The following BMPR1A variants were observed in gnomAD, a reference collection of about 807,000 sequenced individuals.
BMPR1A encodes bone morphogenetic protein receptor type-1A.
A neutral mutation model predicts 66.0 loss-of-function variants in BMPR1A; 7 were observed. The observed-to-expected ratio is 0.11, with a 90% CI of 0.06 to 0.20. The LOEUF is 0.20. Ranked by LOEUF, BMPR1A falls within the 10% of genes least tolerant of loss-of-function variation. The pLI is 1.00. For synonymous variants in BMPR1A, 200 were observed against 229.7 expected, an observed-to-expected ratio of 0.87 and a Z score of 1.17; for missense variants, 408 against 669.1, an observed-to-expected ratio of 0.61 and a Z score of 4.31.
At chr10:86,845,517 C>T (rs1006796877) in intron 2 of BMPR1A, among the ~76,000 whole-genome samples, 1 of 152,198 alleles carries the variant, frequency 6.6e-6, no homozygotes, top group Non-Finnish European at 1.5e-5. Context: ...CCTCCACTCC[C>T]ACTTGAGTCA....
At position 86,858,870 on chromosome 10, in the gene BMPR1A, A is replaced by G. The variant is rs187416450; in HGVS notation, c.-152-16997A>G. Among the ~76,000 whole-genome samples the G allele has an allele frequency of 1.2e-4, 19 of 152,314 alleles. No individual in the cohort carries two copies. In the East Asian group the frequency reaches 2.1e-3, roughly 17 times the overall value. ...CTACCAAAAGCAAGCTATAGATTCA[A>G]TGCAATCCCTATCAAAATACCAGTG... is the stretch of plus-strand genomic sequence containing the variant. On this transcript the variant is annotated intron_variant, in intron 2 of 12. Transcript: ENST00000372037.
chr10:86,917,329 G>A lies in BMPR1A; in HGVS notation c.868+3G>A, dbSNP rs1411249361. ...AATGCGCCATGAAAACATACTTGGT[G>A]GGTACACACTGATTCAGTCAATTTC... On this transcript the variant is annotated splice_donor_region_variant and intron_variant, in intron 9 of 12. Coordinates refer to ENST00000372037, the MANE Select transcript of BMPR1A (RefSeq NM_004329.3). The A allele has an allele frequency of 6.2e-7, 1 of 1,614,070 alleles. No individual in the cohort carries two copies. The highest frequency in any genetic ancestry group is 1.1e-5 in the South Asian group (1 of 91,050).
At chr10:86,814,230 G>A (rs763567656) in intron 1 of BMPR1A, among the ~76,000 whole-genome samples, 4 of 151,978 alleles carry the variant, frequency 2.6e-5, no homozygotes, top group Admixed American at 1.3e-4. Context: ...TAATTCCTGG[G>A]CTCAAGTGAT....
At chr10:86,831,207 C>G (rs1315498453) in intron 1 of BMPR1A, among the ~76,000 whole-genome samples, 2 of 152,206 alleles carry the variant, frequency 1.3e-5, no homozygotes, top group Non-Finnish European at 1.5e-5. Context: ...CAGCCCTGCA[C>G]CTTCCTTATA....
chr10:86,761,716 A>T (rs1341434737), intron 1 of BMPR1A, among the ~76,000 whole-genome samples: 1 of 152,218 alleles, frequency 6.6e-6, no homozygotes, highest in Non-Finnish European at 1.5e-5. Context: ...GTGGCAGATA[A>T]TTAGGGCCTG....
chr10:86,932,660 T>A (rs1027448823), downstream of BMPR1A: 2 of 152,288 alleles, frequency 1.3e-5, no homozygotes, highest in African/African-American at 2.4e-5. Context: ...GGGAGCTTTC[T>A]TGATGGAGGG....
intron 1 of BMPR1A, among the ~76,000 whole-genome samples, chr10:86,827,297 A>AT (rs1418548028): frequency 4.0e-5 from 6 of 150,530 alleles, no homozygotes; most frequent in African/African-American, 1.2e-4. Context: ...CTTGGGCTTG[A>AT]TTTTTTTATT....
chr10:86,927,773 G>T lies in BMPR1A; in HGVS notation c.*4054G>T. On this transcript the variant is annotated 3_prime_UTR_variant, in exon 13 of 13. Transcript: ENST00000372037. ...ACTGTACATAGGCATTGAAAGAAGG[G>T]TAAAAGCAAGCAGTTTTATCAGGCA... The T allele has an allele frequency of 5.0e-6, 1 of 198,616 alleles. No homozygotes were observed. Among genetic ancestry groups the T allele is most frequent in the Non-Finnish European group, 1.0e-5 (1 of 96,304 alleles). 12.3% of individuals were successfully genotyped at this position (198,616 alleles called of 1,614,324 possible).
intron 1 of BMPR1A, among the ~76,000 whole-genome samples, chr10:86,795,217 G>A (rs1841690753): frequency 6.6e-6 from 1 of 151,236 alleles, no homozygotes; most frequent in Non-Finnish European, 1.5e-5. Flanking sequence ...TACTATATGT[G>A]TTGTAGAAGC....
chr10:86,802,849 T>C (rs1234708305), intron 1 of BMPR1A, among the ~76,000 whole-genome samples: 1 of 151,606 alleles, frequency 6.6e-6, no homozygotes, highest in Non-Finnish European at 1.5e-5. Context: ...GGCAGGAGGA[T>C]TGCTTGAGCC....
intron 3 of BMPR1A, among the ~76,000 whole-genome samples, chr10:86,881,012 G>A (rs1384407618): frequency 1.3e-5 from 2 of 152,016 alleles, no homozygotes; most frequent in East Asian, 3.9e-4. Flanking sequence ...GAACATCCAC[G>A]GCTAAACTGA....
chr10:86,903,272 A>G (rs1843336709), intron 7 of BMPR1A, among the ~76,000 whole-genome samples: 2 of 152,250 alleles, frequency 1.3e-5, no homozygotes, highest in Non-Finnish European at 2.9e-5. Context: ...AGAATTAGCA[A>G]TTACATTAAA....
chr10:86,766,752 C>A (rs931283121), intron 1 of BMPR1A, among the ~76,000 whole-genome samples: 1 of 151,802 alleles, frequency 6.6e-6, no homozygotes, highest in Non-Finnish European at 1.5e-5. Context: ...AGTACAGGCG[C>A]CCGCCATCAC....
chr10:86,879,030 T>G (rs1706082931), intron 3 of BMPR1A, among the ~76,000 whole-genome samples: 1 of 152,180 alleles, frequency 6.6e-6, no homozygotes. Context: ...TTTTTATTTT[T>G]TTAAAAAAAA....
At chr10:86,859,678 C>T (rs183580021) in intron 2 of BMPR1A, among the ~76,000 whole-genome samples, 150 of 152,238 alleles carry the variant, frequency 9.9e-4, no homozygotes, top group Middle Eastern at 3.4e-3. Flanking sequence ...GGCTTGCTGG[C>T]ATGCGCCTGT....
intron 1 of BMPR1A, among the ~76,000 whole-genome samples, chr10:86,760,236 C>CTTT (rs1841025275): frequency 1.5e-4 from 3 of 20,064 alleles, no homozygotes; most frequent in East Asian, 2.6e-3. Context: ...TTCTTTCTTT[C>CTTT]TTTCTTTCTT....
chr10:86,760,240 CTTTCTTTCTTTTTTTTT>C (rs1452273920), intron 1 of BMPR1A, among the ~76,000 whole-genome samples: 2 of 17,494 alleles, frequency 1.1e-4, no homozygotes, highest in African/African-American at 4.6e-4. Context: ...TTCTTTCTTT[CTTTCTTTCTTTTTTTTT>C]TTTTTTTTTT....
chr10:86,810,434 C>A lies in BMPR1A; in HGVS notation c.-267-28431C>A, dbSNP rs112576712. ...GTGGAAATATGTTTTTGTTTCTCTT[C>A]GGTATATAGGAAAAGAATTACAGAA... On this transcript the variant is annotated intron_variant, in intron 1 of 12. Transcript: ENST00000372037. 8.7e-4 allele frequency among the ~76,000 whole-genome samples: 132 copies of A among 152,218 alleles called. 1 individual carries two copies. Among genetic ancestry groups the A allele is most frequent in the Admixed American group, 2.0e-3 (30 of 15,286 alleles).
chr10:86,780,587 A>G (rs1382850702), intron 1 of BMPR1A, among the ~76,000 whole-genome samples: 1 of 152,034 alleles, frequency 6.6e-6, no homozygotes, highest in Non-Finnish European at 1.5e-5. Context: ...GGCGTGCACC[A>G]CCACGCCCGG....
Sources: allele counts gnomAD v4.1 joint callset (sites outside exome capture counted in the v4.1 genomes callset), GRCh38; gene constraint gnomAD v4.1.1; transcripts MANE v1.5; gene names NCBI Gene and HGNC (gene_info 2026-07-23, HGNC 2026-07-21).